The following SLC12A7 variants were observed in gnomAD, a reference collection of about 807,000 sequenced individuals.
SLC12A7 encodes K-Cl cotransporter 4.
In SLC12A7, 100 loss-of-function variants were observed where a neutral mutation model predicts 120.6. That is an observed-to-expected ratio of 0.83 (90% CI 0.71 to 0.98). The LOEUF is 0.98. Among genes scored for constraint, SLC12A7 ranks in the 50% least tolerant of loss-of-function variants. The pLI is 0.00. For synonymous variants in SLC12A7, 760 were observed against 678.0 expected, an observed-to-expected ratio of 1.12 and a Z score of -1.88; for missense variants, 1,373 against 1,548.1, an observed-to-expected ratio of 0.89 and a Z score of 1.90.
At chr5:1,139,022 G>A in the SLC12A7 span, among the ~76,000 whole-genome samples, 1 of 152,102 alleles carries the variant, frequency 6.6e-6, no homozygotes, top group Admixed American at 6.5e-5. Flanking sequence ...CTGAAGTCTT[G>A]ACTTTGAAAC....
chr5:1,146,336 G>A, the SLC12A7 span, among the ~76,000 whole-genome samples: 2 of 147,780 alleles, frequency 1.4e-5, no homozygotes, highest in Non-Finnish European at 3.0e-5. This position sits in a 1 kb window ranked among gnomAD's most constrained non-coding sequence, Gnocchi z 6.5. Flanking sequence ...TGACCACCTG[G>A]GCCAGTGACC....
chr5:1,085,090 C>T (rs540794258), intron 7 of SLC12A7, 142 bp downstream of exon 7: 37 of 1,198,844 alleles, frequency 3.1e-5, no homozygotes, highest in East Asian at 5.1e-5. Context: ...AACGAGCCCA[C>T]GGGGGTTCCC....
In SLC12A7 at chr5:1,051,963, T is replaced by C. The variant is rs1223623774; in HGVS notation, c.*397A>G. ...CAGGGACAGCTTCAGCTCCGGGTGC[T>C]CTTCCAAGAATGTTCTGGATGGGGT... On this transcript the variant is annotated 3_prime_UTR_variant, in exon 24 of 24. Transcript: ENST00000264930. The C allele has an allele frequency of 4.8e-6, 1 of 207,598 alleles. No individual in the cohort carries two copies. The highest frequency in any genetic ancestry group is 9.6e-6 in the Non-Finnish European group (1 of 104,178). 12.9% of individuals were successfully genotyped at this position (207,598 alleles called of 1,614,324 possible). A position where few individuals can be genotyped will look rare whatever the true frequency, so the allele number is the denominator to read the frequency against.
chr5:1,079,582 G>T, intron 9 of SLC12A7, 86 bp from the exon 10 acceptor site: 1 of 1,124,512 alleles, frequency 8.9e-7, no homozygotes, highest in Non-Finnish European at 1.3e-6. Context: ...CTGGAAAGGC[G>T]GTCTCTGGGG....
intron 13 of SLC12A7, 107 bp from the exon 14 acceptor site, chr5:1,076,343 TG>T (rs1738334490): frequency 3.5e-6 from 3 of 850,184 alleles, no homozygotes; most frequent in Non-Finnish European, 5.5e-6. Context: ...ACCTGCGCCT[TG>T]TCTCCCCATG....
At chr5:1,091,759 G>A (rs1740536371) in intron 3 of SLC12A7, among the ~76,000 whole-genome samples, 1 of 152,058 alleles carries the variant, frequency 6.6e-6, no homozygotes, top group Non-Finnish European at 1.5e-5. Context: ...CAGTTCCGCA[G>A]CGTCCACGTG....
At chr5:1,087,145 G>T in intron 5 of SLC12A7, 112 bp from the exon 6 acceptor site, 1 of 1,376,744 alleles carries the variant, frequency 7.3e-7, no homozygotes, top group Non-Finnish European at 9.7e-7. Context: ...TGCGAAGGCA[G>T]CGTGTAGACC....
intron 6 of SLC12A7, among the ~76,000 whole-genome samples, chr5:1,085,739 C>CGAGGGACGGAGCCCGCGGGGGT: frequency 6.6e-6 from 1 of 152,138 alleles, no homozygotes; most frequent in Non-Finnish European, 1.5e-5. Flanking sequence ...AGCGCACAGG[C>CGAGGGACGGAGCCCGCGGGGGT]CATGGACAGC....
chr5:1,085,752 G>A lies in SLC12A7; in HGVS notation c.676-279C>T, dbSNP rs115371840. Among the ~76,000 whole-genome samples the A allele has an allele frequency of 8.2e-3, 1,136 of 137,706 alleles. 16 individuals are homozygous for A. The highest frequency in any genetic ancestry group is 0.031 in the African/African-American group (1,073 of 34,306). The allele number at this position is 137,706 out of a possible 152,430, so 90.3% of individuals were successfully genotyped here. A position where few individuals can be genotyped will look rare whatever the true frequency, so the allele number is the denominator to read the frequency against. ...TCAGCGCACAGGCCATGGACAGCCAGGGGCCTGAACGTTTCCCAGGAACCA... is the reference window on the plus strand; with the variant it reads ...TCAGCGCACAGGCCATGGACAGCCAAGGGCCTGAACGTTTCCCAGGAACCA... On this transcript the variant is annotated intron_variant, in intron 6 of 23. Coordinates refer to ENST00000264930, the MANE Select transcript of SLC12A7 (RefSeq NM_006598.3).
intron 1 of SLC12A7, among the ~76,000 whole-genome samples, chr5:1,099,304 GGA>G (rs1422855483): frequency 2.6e-5 from 4 of 151,916 alleles, no homozygotes; most frequent in African/African-American, 7.3e-5. Context: ...CTCCTCCGGT[GGA>G]CGGCAGAACC....
At chr5:1,120,631 C>T in the SLC12A7 span, among the ~76,000 whole-genome samples, 1 of 152,238 alleles carries the variant, frequency 6.6e-6, no homozygotes, top group Non-Finnish European at 1.5e-5. Flanking sequence ...AAAAGACACA[C>T]AAAGGCCTTC....
At chr5:1,151,053 C>G in the SLC12A7 span, among the ~76,000 whole-genome samples, 1 of 152,242 alleles carries the variant, frequency 6.6e-6, no homozygotes, top group Non-Finnish European at 1.5e-5. This position sits in a 1 kb window ranked among gnomAD's most constrained non-coding sequence, Gnocchi z 6.2. Flanking sequence ...GGGAGCTGGA[C>G]GGAGATGGCG....
chr5:1,066,737 G>C (rs1157008073), intron 17 of SLC12A7, among the ~76,000 whole-genome samples: 2 of 152,372 alleles, frequency 1.3e-5, no homozygotes, highest in Non-Finnish European at 2.9e-5. Context: ...GGGAGGAAGA[G>C]ACTGCGTGGA....
chr5:1,073,410 T>G (rs983391443), intron 17 of SLC12A7, among the ~76,000 whole-genome samples: 1 of 152,186 alleles, frequency 6.6e-6, no homozygotes, highest in African/African-American at 2.4e-5. Flanking sequence ...GGTTCGCCCT[T>G]GGAAAGCTAA....
At position 1,078,236 on chromosome 5, in the gene SLC12A7, G is replaced by A. The variant is rs563695263; in HGVS notation, c.1455-229C>T. 3.3e-4 allele frequency among the ~76,000 whole-genome samples: 50 copies of A among 152,284 alleles called. 1 individual carries two copies. The highest frequency in any genetic ancestry group is 1.2e-3 in the African/African-American group (50 of 41,574). ...GGGGGAGGGGGTCCTGCTCACCTCA[G>A]GGTCGCTCTTGGGAGCAGGGAAGAC... On this transcript the variant is annotated intron_variant, in intron 11 of 23. Transcript: ENST00000264930.
chr5:1,126,990 T>C, the SLC12A7 span, among the ~76,000 whole-genome samples: 1 of 151,666 alleles, frequency 6.6e-6, no homozygotes, highest in Non-Finnish European at 1.5e-5. Context: ...CATCCTGGAG[T>C]AGGGTGTGGG....
the SLC12A7 span, among the ~76,000 whole-genome samples, chr5:1,119,250 G>C: frequency 6.6e-6 from 1 of 152,314 alleles, no homozygotes; most frequent in East Asian, 1.9e-4. Flanking sequence ...CATTCAGCTG[G>C]GAACCTGGAC....
chr5:1,080,708 G>A (rs1202024164), intron 9 of SLC12A7, among the ~76,000 whole-genome samples: 1 of 152,164 alleles, frequency 6.6e-6, no homozygotes, highest in African/African-American at 2.4e-5. Context: ...AACAACCAAG[G>A]GCCCCACCCA....
intron 1 of SLC12A7, among the ~76,000 whole-genome samples, chr5:1,107,526 C>G (rs1561113750): frequency 6.6e-6 from 1 of 152,222 alleles, no homozygotes; most frequent in Non-Finnish European, 1.5e-5. Flanking sequence ...CTGCTTGACT[C>G]CAGCCACCAC....
Sources: allele counts gnomAD v4.1 joint callset (sites outside exome capture counted in the v4.1 genomes callset), GRCh38; gene constraint gnomAD v4.1.1; non-coding constraint Gnocchi (gnomAD v3.1); transcripts MANE v1.5; gene names NCBI Gene and HGNC (gene_info 2026-07-23, HGNC 2026-07-21).